The following EXOC6 variants were observed in gnomAD, a reference collection of about 807,000 sequenced individuals.
EXOC6 encodes exocyst complex component 6.
In EXOC6, 60 loss-of-function variants were observed where a neutral mutation model predicts 112.5. The ratio of observed to expected loss-of-function variants is 0.53; its 90% CI spans 0.43 to 0.66. The LOEUF (loss-of-function observed/expected upper bound fraction) is 0.66. Ranked by LOEUF, EXOC6 falls within the 30% of genes least tolerant of loss-of-function variation. EXOC6 has a pLI of 0.00. For synonymous variants in EXOC6, 295 were observed against 308.0 expected (o/e 0.96, Z 0.44); for missense variants, 855 against 957.1 (o/e 0.89, Z 1.41).
At chr10:92,994,847 A>G (rs1234278452) in intron 18 of EXOC6, among the ~76,000 whole-genome samples, 1 of 151,888 alleles carries the variant, frequency 6.6e-6, no homozygotes. Context: ...TAAATTTTCA[A>G]ATATATTTTC....
At chr10:92,827,982 A>G (rs1271631937) in intron 1 of EXOC6, among the ~76,000 whole-genome samples, 1 of 152,114 alleles carries the variant, frequency 6.6e-6, no homozygotes, top group Non-Finnish European at 1.5e-5. Flanking sequence ...AGCATATAAC[A>G]TTCCTAGATA....
At chr10:92,856,191 A>T (rs975201552) in intron 1 of EXOC6, among the ~76,000 whole-genome samples, 1 of 151,706 alleles carries the variant, frequency 6.6e-6, no homozygotes, top group African/African-American at 2.4e-5. Flanking sequence ...TTACATTTAC[A>T]TCTGATCTAA....
In EXOC6 at chr10:92,940,807, A is replaced by G. The variant is rs778937545; in HGVS notation, c.1293A>G (p.Lys431=). 8.7e-6 allele frequency: 14 copies of G among 1,610,476 alleles called. No individual in the cohort carries two copies. Among genetic ancestry groups the G allele is most frequent in the South Asian group, 4.4e-5 (4 of 89,994 alleles). Residue 431 remains lysine (K), a synonymous_variant, in exon 13 of 22, where the codon AAA becomes AAG. Transcript: ENST00000260762. ...RDQYNETLLK[K]WAGVFRDIFE... is the part of the protein sequence containing the mutation. Reference sequence around the variant, plus strand: ...AATACAATGAAACACTGCTTAAGAAATGGGCTGGAGTTTTCAGGTTAGTCT... The same window carrying G: ...AATACAATGAAACACTGCTTAAGAAGTGGGCTGGAGTTTTCAGGTTAGTCT...
chr10:92,930,504 A>AAAT (rs10638557), intron 9 of EXOC6, among the ~76,000 whole-genome samples: 62,591 of 148,956 alleles, frequency 0.42, 13,993 homozygotes, highest in African/African-American at 0.57. Context: ...ACTCTGTCTC[A>AAAT]AATAATAATA....
intron 1 of EXOC6, among the ~76,000 whole-genome samples, chr10:92,867,186 C>T (rs1848214993): frequency 6.6e-6 from 1 of 152,108 alleles, no homozygotes; most frequent in African/African-American, 2.4e-5. Flanking sequence ...AAATTCTTAA[C>T]TGGATTTGAG....
rs530921649 is a variant in EXOC6, at chr10:93,035,465, T to C, written c.2169+21198T>C. ...AAAAATTTCTTAAAAGTACTATAAT[T>C]GCACACTCACAAAAAGTTACAAATA... On this transcript the variant is annotated intron_variant, in intron 20 of 21. Coordinates refer to ENST00000260762, the MANE Select transcript of EXOC6 (RefSeq NM_019053.6). Among the ~76,000 whole-genome samples, 105 of 152,370 alleles carry C rather than the reference T, an allele frequency of 6.9e-4. 4 individuals are homozygous for C. The South Asian group carries it at 0.022, about 31-fold the overall frequency.
chr10:92,980,824 G>T (rs533160032), intron 18 of EXOC6, among the ~76,000 whole-genome samples: 1 of 152,182 alleles, frequency 6.6e-6, no homozygotes, highest in South Asian at 2.1e-4. Flanking sequence ...ATATAGCCAA[G>T]TATAAAGAAG....
At chr10:92,853,140 G>A (rs1282852854) in intron 1 of EXOC6, among the ~76,000 whole-genome samples, 2 of 152,134 alleles carry the variant, frequency 1.3e-5, no homozygotes, top group Admixed American at 1.3e-4. Flanking sequence ...AAATTTGATG[G>A]TATCAAAAAT....
chr10:92,906,470 G>A (rs975266016), intron 5 of EXOC6, among the ~76,000 whole-genome samples: 3 of 152,098 alleles, frequency 2.0e-5, no homozygotes, highest in African/African-American at 7.2e-5. Flanking sequence ...TACTTTGTAG[G>A]CCAGAGAATC....
intron 18 of EXOC6, among the ~76,000 whole-genome samples, chr10:92,976,034 C>A (rs1440549916): frequency 1.4e-5 from 1 of 70,688 alleles, no homozygotes; most frequent in Non-Finnish European, 2.6e-5. Context: ...CCGCCGCGTC[C>A]GGGAGGGAGG....
At chr10:92,948,573 C>CACCACT (rs1554900786) in intron 14 of EXOC6, among the ~76,000 whole-genome samples, 194 bp downstream of exon 14, 19 of 140,184 alleles carry the variant, frequency 1.4e-4, no homozygotes, top group East Asian at 4.2e-4. Context: ...CTACTACTAC[C>CACCACT]ACTACTACTA....
At chr10:92,908,357 T>C (rs1252512154) in intron 5 of EXOC6, among the ~76,000 whole-genome samples, 1 of 152,044 alleles carries the variant, frequency 6.6e-6, no homozygotes, top group African/African-American at 2.4e-5. Flanking sequence ...ACCTGGTGGG[T>C]CTTTTCAACT....
At chr10:93,042,838 A>G (rs1338010398) in intron 20 of EXOC6, among the ~76,000 whole-genome samples, 2 of 152,154 alleles carry the variant, frequency 1.3e-5, no homozygotes, top group Non-Finnish European at 2.9e-5. Flanking sequence ...TGATTAAGTG[A>G]TACAAAGGAA....
chr10:92,830,306 C>T (rs1045318241), upstream of EXOC6, among the ~76,000 whole-genome samples: 2 of 151,934 alleles, frequency 1.3e-5, no homozygotes, highest in Non-Finnish European at 1.5e-5. Context: ...GAAAGGTGAG[C>T]GACTGATGCA....
At chr10:92,956,628 G>A (rs1853706563) in intron 17 of EXOC6, among the ~76,000 whole-genome samples, 1 of 152,014 alleles carries the variant, frequency 6.6e-6, no homozygotes, top group Admixed American at 6.6e-5. Flanking sequence ...ATGCTCCTCT[G>A]GTGACTCTTG....
At chr10:92,885,430 A>C (rs1396529348) in intron 1 of EXOC6, among the ~76,000 whole-genome samples, 1 of 149,698 alleles carries the variant, frequency 6.7e-6, no homozygotes, top group Non-Finnish European at 1.5e-5. Flanking sequence ...CCCAGGCTGG[A>C]GTGCAGTGGC....
chr10:93,009,301 C>T (rs1844135176), intron 19 of EXOC6, among the ~76,000 whole-genome samples: 1 of 152,222 alleles, frequency 6.6e-6, no homozygotes, highest in Admixed American at 6.5e-5. Flanking sequence ...CAGCACCATT[C>T]TAAATCTAAT....
rs752063550 is a variant in EXOC6 at position 92,909,380 on chromosome 10, T to C, written c.459-47T>C. On this transcript the variant is annotated intron_variant, in intron 5 of 21. Coordinates refer to ENST00000260762, the MANE Select transcript of EXOC6 (RefSeq NM_019053.6). ...TTATTTAGATTTACTTGTAAAAATA[T>C]TGTGATAAGAACTTTTTATAGAGTT... 4 of 1,336,124 alleles carry C rather than the reference T, an allele frequency of 3.0e-6. No homozygotes were observed. In the African/African-American group the frequency reaches 4.4e-5, roughly 15 times the overall value. 82.8% of individuals were successfully genotyped at this position (1,336,124 alleles called of 1,614,324 possible).
intron 20 of EXOC6, among the ~76,000 whole-genome samples, chr10:93,019,672 A>G (rs1844693012): frequency 6.6e-6 from 1 of 152,186 alleles, no homozygotes; most frequent in Non-Finnish European, 1.5e-5. Context: ...ACAAAAAAAC[A>G]AAAAAGAGAC....
Sources: allele counts gnomAD v4.1 joint callset (sites outside exome capture counted in the v4.1 genomes callset), GRCh38; gene constraint gnomAD v4.1.1; transcripts MANE v1.5; gene names NCBI Gene and HGNC (gene_info 2026-07-23, HGNC 2026-07-21).